Variants in DEPTOR observed in about 807,000 individuals in gnomAD.
DEPTOR encodes the protein DEP domain containing MTOR interacting protein.
Under a neutral mutation model 41.6 loss-of-function variants are expected in DEPTOR, and 41 were observed. That is an observed-to-expected ratio of 0.98 (90% CI 0.77 to 1.28). The LOEUF (loss-of-function observed/expected upper bound fraction) is 1.28, where lower values mean the gene tolerates loss of function less well. DEPTOR is among the 50% of genes most tolerant of loss of function. The pLI, the probability that DEPTOR is intolerant of heterozygous loss-of-function variation, is 0.00. For synonymous variants in DEPTOR, 195 were observed against 192.3 expected (o/e 1.01, Z -0.12); for missense variants, 514 against 527.9 (o/e 0.97, Z 0.26).
At chr8:120,000,316 C>G (rs769557674) in intron 4 of DEPTOR, among the ~76,000 whole-genome samples, 3 of 152,086 alleles carry the variant, frequency 2.0e-5, no homozygotes, top group Non-Finnish European at 4.4e-5. Flanking sequence ...CCAAGGCCCC[C>G]CTCCAGCCCC....
chr8:120,018,318 C>T (rs1370527234), intron 8 of DEPTOR, among the ~76,000 whole-genome samples: 1 of 152,186 alleles, frequency 6.6e-6, no homozygotes. Context: ...TGGCTCATGC[C>T]TGTAATCCCA....
intron 1 of DEPTOR, among the ~76,000 whole-genome samples, chr8:119,914,871 T>G (rs575812347): frequency 6.6e-6 from 1 of 152,368 alleles, no homozygotes; most frequent in South Asian, 2.1e-4. Context: ...TTTGTGAGAA[T>G]TACTGCTCTC....
At chr8:119,897,170 T>C (rs1827530739) in intron 1 of DEPTOR, among the ~76,000 whole-genome samples, 1 of 152,166 alleles carries the variant, frequency 6.6e-6, no homozygotes, top group Non-Finnish European at 1.5e-5. Context: ...GAAAAATGCA[T>C]ATCCCCAGAC....
chr8:119,895,310 T>A (rs985702182), intron 1 of DEPTOR, among the ~76,000 whole-genome samples: 1 of 152,212 alleles, frequency 6.6e-6, no homozygotes, highest in African/African-American at 2.4e-5. Context: ...CACATTTCTG[T>A]CCTGTTTGTG....
intron 1 of DEPTOR, chr8:119,874,305 C>T (rs13263296): frequency 0.5 from 166,582 of 330,508 alleles, 44,949 homozygotes; most frequent in East Asian, 0.92. Flanking sequence ...CGCCAGGCCT[C>T]CCGGCTGACA....
chr8:119,902,834 G>A (rs1827611941), intron 1 of DEPTOR, among the ~76,000 whole-genome samples: 1 of 152,294 alleles, frequency 6.6e-6, no homozygotes, highest in African/African-American at 2.4e-5. Context: ...ATGTGTTCAA[G>A]GGGAATTTTT....
intron 7 of DEPTOR, among the ~76,000 whole-genome samples, chr8:120,008,002 G>A (rs911927564): frequency 1.3e-5 from 2 of 152,126 alleles, no homozygotes; most frequent in Admixed American, 6.5e-5. Context: ...GTAATTGATT[G>A]TGAATGTGTT....
chr8:119,955,288 A>G (rs1295837424), intron 3 of DEPTOR, among the ~76,000 whole-genome samples: 2 of 152,162 alleles, frequency 1.3e-5, no homozygotes, highest in African/African-American at 2.4e-5. Context: ...TAATTTTGAA[A>G]TAGTCCAATT....
At chr8:119,998,376 G>A (rs6986597) in intron 4 of DEPTOR, among the ~76,000 whole-genome samples, 16,814 of 152,220 alleles carry the variant, frequency 0.11, 1,281 homozygotes, top group African/African-American at 0.21. Context: ...ATGAGCCACC[G>A]CACCTGGCCT....
At chr8:119,972,870 C>T (rs1243756507) in intron 4 of DEPTOR, among the ~76,000 whole-genome samples, 1 of 152,124 alleles carries the variant, frequency 6.6e-6, no homozygotes, top group African/African-American at 2.4e-5. Context: ...CTACAATATT[C>T]TCTTCCTCCA....
chr8:120,033,900 G>A (rs938585507), intron 8 of DEPTOR, among the ~76,000 whole-genome samples: 1 of 152,054 alleles, frequency 6.6e-6, no homozygotes, highest in Non-Finnish European at 1.5e-5. Flanking sequence ...CCTGAATATG[G>A]CTATGTACTG....
chr8:119,900,338 GAA>G (rs1229661685), intron 1 of DEPTOR, among the ~76,000 whole-genome samples: 13 of 69,942 alleles, frequency 1.9e-4, no homozygotes, highest in African/African-American at 6.8e-4. Flanking sequence ...AAAAAAAAAA[GAA>G]AAAAAAAAAA....
intron 1 of DEPTOR, among the ~76,000 whole-genome samples, chr8:119,914,665 C>T (rs1468075843): frequency 6.6e-6 from 1 of 152,146 alleles, no homozygotes; most frequent in African/African-American, 2.4e-5. Flanking sequence ...GTCTGGAAAT[C>T]CTGACCTCAG....
intron 1 of DEPTOR, among the ~76,000 whole-genome samples, chr8:119,913,305 G>A (rs936193441): frequency 3.3e-5 from 5 of 152,176 alleles, no homozygotes; most frequent in African/African-American, 1.2e-4. Context: ...CTGGGGAGTG[G>A]TCTGGAAAAC....
intron 4 of DEPTOR, among the ~76,000 whole-genome samples, chr8:119,968,395 C>T (rs1277090119): frequency 1.3e-5 from 2 of 151,546 alleles, no homozygotes; most frequent in Non-Finnish European, 2.9e-5. Context: ...CTCACTGCCA[C>T]CTCCACTTCC....
At chr8:120,029,889 A>G (rs991812120) in intron 8 of DEPTOR, among the ~76,000 whole-genome samples, 3 of 152,140 alleles carry the variant, frequency 2.0e-5, no homozygotes, top group Non-Finnish European at 2.9e-5. Context: ...AGCTATCTGC[A>G]TAAGGGAGGC....
intron 4 of DEPTOR, among the ~76,000 whole-genome samples, chr8:119,999,536 A>T (rs1347299530): frequency 6.6e-6 from 1 of 151,858 alleles, no homozygotes; most frequent in Non-Finnish European, 1.5e-5. Context: ...AGGCAGGAGG[A>T]TCACTTGAGC....
chr8:119,968,765 T>C (rs979246492), intron 4 of DEPTOR, among the ~76,000 whole-genome samples: 52 of 152,280 alleles, frequency 3.4e-4, no homozygotes, highest in African/African-American at 1.2e-3. Context: ...TGCTAGTAAG[T>C]GTGACCTTGG....
At chr8:120,038,301 A>G (rs1813009376) in intron 8 of DEPTOR, among the ~76,000 whole-genome samples, 1 of 149,562 alleles carries the variant, frequency 6.7e-6, no homozygotes, top group Admixed American at 6.7e-5. Context: ...AAGAAAGTAA[A>G]AAAAGAAATT....
Sources: allele counts gnomAD v4.1 joint callset (sites outside exome capture counted in the v4.1 genomes callset), GRCh38; gene constraint gnomAD v4.1.1; transcripts MANE v1.5; gene names NCBI Gene and HGNC (gene_info 2026-07-23, HGNC 2026-07-21).